Variants in RPGRIP1L observed in about 807,000 individuals in gnomAD.
RPGRIP1L encodes the protein protein fantom.
RPGRIP1L carries 131 observed loss-of-function variants against 160.4 expected under a neutral mutation model. The ratio of observed to expected loss-of-function variants is 0.82; its 90% CI spans 0.71 to 0.94. The LOEUF is 0.94. RPGRIP1L is among the 40% of genes least tolerant of loss of function. RPGRIP1L has a pLI of 0.00. For synonymous variants in RPGRIP1L, 510 were observed against 515.8 expected (o/e 0.99, Z 0.15); for missense variants, 1,522 against 1,535.8 (o/e 0.99, Z 0.15).
intron 22 of RPGRIP1L, among the ~76,000 whole-genome samples, chr16:53,629,298 T>G (rs1965366749): frequency 6.6e-6 from 1 of 152,172 alleles, no homozygotes; most frequent in Admixed American, 6.5e-5. Flanking sequence ...AAGTACCACT[T>G]TTTTCTAAAG....
chr16:53,621,430 ATTTTTTT>A (rs10710732), intron 23 of RPGRIP1L, among the ~76,000 whole-genome samples: 5 of 135,068 alleles, frequency 3.7e-5, no homozygotes, highest in Non-Finnish European at 8.1e-5. Flanking sequence ...TTTCTGGTCA[ATTTTTTT>A]TTTTTTTTTT....
chr16:53,647,520 A>G (rs1966639134), intron 16 of RPGRIP1L, among the ~76,000 whole-genome samples: 1 of 152,112 alleles, frequency 6.6e-6, no homozygotes, highest in Non-Finnish European at 1.5e-5. Flanking sequence ...ACGTGTCCAG[A>G]TATGTCTTGC....
chr16:53,651,852 A>G (rs1464783671), intron 15 of RPGRIP1L, among the ~76,000 whole-genome samples: 1 of 152,102 alleles, frequency 6.6e-6, no homozygotes, highest in Non-Finnish European at 1.5e-5. Context: ...GTCTTAAAAA[A>G]TTAATAATTT....
At chr16:53,676,366 G>A (rs1223094359) in intron 6 of RPGRIP1L, among the ~76,000 whole-genome samples, 1 of 151,614 alleles carries the variant, frequency 6.6e-6, no homozygotes, top group East Asian at 1.9e-4. Context: ...TATTCACTCA[G>A]TATTACCTTT....
rs754686404 is a variant in RPGRIP1L at position 53,641,321 on chromosome 16, T to C, written c.2838A>G (p.Arg946=). 4.3e-6 allele frequency: 7 copies of C among 1,614,084 alleles called. No homozygotes were observed. In the South Asian group the frequency reaches 5.5e-5, roughly 13 times the overall value. Residue 946 remains arginine (R), a synonymous_variant, in exon 18 of 27, where the codon AGA becomes AGG. Transcript: ENST00000647211. ...TGCTAACAGAGGATGCTGGAGGAAGTCTTTGAACAACTTCTGGCTCTTCGC... is the reference window on the plus strand; with the variant it reads ...TGCTAACAGAGGATGCTGGAGGAAGCCTTTGAACAACTTCTGGCTCTTCGC... The part of the protein sequence containing the change: ...IRSEEPEVVQ[R]LPPASSVSTL...
At chr16:53,669,017 C>G (rs1056646531) in intron 9 of RPGRIP1L, among the ~76,000 whole-genome samples, 3 of 152,090 alleles carry the variant, frequency 2.0e-5, no homozygotes, top group African/African-American at 7.2e-5. Context: ...CTCCTGAAAA[C>G]TAGTCAATTT....
At chr16:53,652,380 C>T (rs926476538) in intron 15 of RPGRIP1L, among the ~76,000 whole-genome samples, 155 bp downstream of exon 15, 6 of 152,100 alleles carry the variant, frequency 3.9e-5, no homozygotes, top group Admixed American at 6.6e-5. Context: ...GCATCAGTGA[C>T]GTTTAAGATA....
At chr16:53,697,511 G>A (rs538441451) in intron 2 of RPGRIP1L, among the ~76,000 whole-genome samples, 4 of 151,892 alleles carry the variant, frequency 2.6e-5, no homozygotes, top group South Asian at 2.1e-4. Context: ...GCAGGCGCAC[G>A]CCGCCACGCC....
intron 6 of RPGRIP1L, among the ~76,000 whole-genome samples, chr16:53,679,148 T>C (rs1969423806): frequency 6.6e-6 from 1 of 152,190 alleles, no homozygotes; most frequent in Non-Finnish European, 1.5e-5. Flanking sequence ...ATCATTACTT[T>C]CCTGTGGTGT....
chr16:53,692,200 C>T lies in RPGRIP1L; in HGVS notation c.395G>A (p.Arg132Lys). The T allele has an allele frequency of 1.9e-6, 3 of 1,614,066 alleles. No homozygotes were observed. Among genetic ancestry groups the T allele is most frequent in the Non-Finnish European group, 2.5e-6 (3 of 1,180,030 alleles). The change falls in exon 4 of 27, where the codon AGA (arginine) becomes AAA (lysine). Residue 132 changes from arginine to lysine, a missense_variant. Arg to Lys is a conservative substitution (Grantham distance 26, BLOSUM62 2). Coordinates refer to ENST00000647211, the MANE Select transcript of RPGRIP1L (RefSeq NM_015272.5). The stretch of plus-strand genomic sequence containing the variant: ...AAGTTGCTGTTTGGCTGAAATCAGT[C>T]TGTTTTTGAGGGTTTCATTTTGTTT... ...LEKQNETLKN[R>K]LISAKQQLQT...
At chr16:53,622,799 C>CCACACACA (rs201959082) in intron 22 of RPGRIP1L, among the ~76,000 whole-genome samples, 4,882 of 135,818 alleles carry the variant, frequency 0.036, 257 homozygotes, top group African/African-American at 0.12. Flanking sequence ...AAAACAAAAA[C>CCACACACA]CACACACACA....
At position 53,686,446 on chromosome 16, in the gene RPGRIP1L, C is replaced by T. The variant is rs770275024; in HGVS notation, c.763G>A (p.Ala255Thr). Residue 255 changes from alanine to threonine, a missense_variant, in exon 6 of 27, where the codon GCT becomes ACT. Ala to Thr is a moderately conservative substitution (Grantham distance 58). Coordinates refer to ENST00000647211, the MANE Select transcript of RPGRIP1L (RefSeq NM_015272.5). ...LSLLQLREQQ[A>T]TDQRSNIRDN... ...GTTTTAACATACCTTTGATCTGTAG[C>T]TTGCTGTTCTCGAAGCTGAAGAAGA... The T allele has an allele frequency of 1.2e-5, 20 of 1,613,256 alleles. No homozygotes were observed. In the South Asian group the frequency reaches 2.1e-4, roughly 17 times the overall value.
chr16:53,637,797 C>T lies in RPGRIP1L; in HGVS notation c.3118G>A (p.Gly1040Arg). Residue 1040 changes from glycine (G) to arginine (R), a missense_variant, in exon 21 of 27, where the codon GGA becomes AGA. Physicochemically the swap from Gly to Arg is moderately radical, Grantham distance 125. Coordinates refer to ENST00000647211, the MANE Select transcript of RPGRIP1L (RefSeq NM_015272.5). ...GATAGTAAAGACACATCATCTTTTC[C>T]TTGCTGCATTTTCTCAGTATTCTCT... ...VKENTEKMQQ[G>R]KDDVSLLSEG... 6.2e-7 allele frequency: 1 copy of T among 1,613,316 alleles called. No homozygotes were observed. The highest frequency in any genetic ancestry group is 8.5e-7 in the Non-Finnish European group (1 of 1,179,764).
At chr16:53,603,374 G>T (rs947281822) in intron 26 of RPGRIP1L, among the ~76,000 whole-genome samples, 6 of 152,160 alleles carry the variant, frequency 3.9e-5, no homozygotes, top group Admixed American at 3.3e-4. Context: ...TGTCACCCAG[G>T]CTGGAGTGCA....
At position 53,649,056 on chromosome 16, in the gene RPGRIP1L, G is replaced by A; in HGVS notation, c.2212C>T (p.Pro738Ser). Residue 738 changes from proline to serine, a missense_variant, in exon 16 of 27, where the codon CCC (proline) becomes TCC (serine). Physicochemically the swap from Pro to Ser is moderately conservative, Grantham distance 74 (BLOSUM62 -1). Coordinates refer to ENST00000647211, the MANE Select transcript of RPGRIP1L (RefSeq NM_015272.5). ...TAAAGTCGAATTGCTTGATCCATGG[G>A]AACTCTTAATCGGAACCAGTATTCC... ...TVEYWFRLRV[P>S]MDQAIRLYRE... is the part of the protein sequence containing the mutation. 1.2e-6 allele frequency: 2 copies of A among 1,613,958 alleles called. No individual in the cohort carries two copies. Among genetic ancestry groups the A allele is most frequent in the Non-Finnish European group, 1.7e-6 (2 of 1,179,888 alleles).
chr16:53,640,994 G>T, intron 19 of RPGRIP1L, 39 bp downstream of exon 19: 1 of 1,384,568 alleles, frequency 7.2e-7, no homozygotes, highest in Non-Finnish European at 1.0e-6. Context: ...TCAAATATTT[G>T]TTATGAAAAA....
At chr16:53,627,958 G>A (rs1344504) in intron 22 of RPGRIP1L, among the ~76,000 whole-genome samples, 33,580 of 151,872 alleles carry the variant, frequency 0.22, 5,242 homozygotes, top group East Asian at 0.45. Context: ...TTTTGCTATT[G>A]CAAACAATGT....
At position 53,610,113 on chromosome 16, in the gene RPGRIP1L, C is replaced by T. The variant is rs116138820; in HGVS notation, c.3701+854G>A. Among the ~76,000 whole-genome samples the T allele has an allele frequency of 1.7e-3, 264 of 152,056 alleles. 1 individual carries two copies. Among genetic ancestry groups the T allele is most frequent in the African/African-American group, 6.0e-3 (247 of 41,506 alleles). On this transcript the variant is annotated intron_variant, in intron 25 of 26. Transcript: ENST00000647211. ...AAGGGGTACTCAAGCCGAGGGAGGACGGCCAGCAAGGGGCACTGGAGAAAC... is the reference window on the plus strand; with the variant it reads ...AAGGGGTACTCAAGCCGAGGGAGGATGGCCAGCAAGGGGCACTGGAGAAAC...
intron 6 of RPGRIP1L, among the ~76,000 whole-genome samples, chr16:53,677,082 A>G (rs1460323475): frequency 6.6e-6 from 1 of 152,178 alleles, no homozygotes; most frequent in Non-Finnish European, 1.5e-5. Flanking sequence ...TAAGGCAGAA[A>G]CCAGTAAGCA....
Sources: allele counts gnomAD v4.1 joint callset (sites outside exome capture counted in the v4.1 genomes callset), GRCh38; gene constraint gnomAD v4.1.1; transcripts MANE v1.5; gene names NCBI Gene and HGNC (gene_info 2026-07-23, HGNC 2026-07-21).